SULT1C2: variants seen among roughly 807,000 people sequenced by gnomAD.
The protein encoded by SULT1C2 is sulfotransferase 1C2.
In SULT1C2, 27 loss-of-function variants were observed where a neutral mutation model predicts 36.0. The observed-to-expected ratio is 0.75, with a 90% CI of 0.55 to 1.03. The LOEUF is 1.03. Ranked by LOEUF, SULT1C2 falls within the 50% of genes least tolerant of loss-of-function variation. The pLI, the probability that SULT1C2 is intolerant of heterozygous loss-of-function variation, is 0.00. For missense variants in SULT1C2, 395 were observed against 359.2 expected, an observed-to-expected ratio of 1.10 and a Z score of -0.80; for synonymous variants, 121 against 116.0, an observed-to-expected ratio of 1.04 and a Z score of -0.27.
In SULT1C2 at chr2:108,304,624, T is replaced by C. The variant is rs532793119; in HGVS notation, c.426T>C (p.His142=). The C allele has an allele frequency of 9.3e-6, 15 of 1,613,772 alleles. No homozygotes were observed. The South Asian group carries it at 1.6e-4, about 18-fold the overall frequency. ...NAKDCMVSYY[H]FQRMNHMLPD... ...AAGACTGTATGGTTTCCTACTACCATTTCCAAAGGATGAACCACATGCTTC... is the reference window on the plus strand; with the variant it reads ...AAGACTGTATGGTTTCCTACTACCACTTCCAAAGGATGAACCACATGCTTC... Residue 142 remains histidine, a synonymous_variant, in exon 5 of 8, where the codon CAT becomes CAC. Coordinates refer to ENST00000251481, the MANE Select transcript of SULT1C2 (RefSeq NM_001056.4).
intron 2 of SULT1C2, 21 bp from the exon 3 acceptor site, chr2:108,294,208 T>A: frequency 6.2e-7 from 1 of 1,612,808 alleles, no homozygotes; most frequent in Non-Finnish European, 8.5e-7. Context: ...CTGCTTCTCA[T>A]CCTTCCTTTC....
intron 4 of SULT1C2, 58 bp downstream of exon 4, chr2:108,300,993 C>T (rs893523316): frequency 1.2e-6 from 2 of 1,603,886 alleles, no homozygotes; most frequent in Non-Finnish European, 1.7e-6. Context: ...AAAGCGAGTC[C>T]TGCAGACCCC....
At chr2:108,294,407 GT>G in intron 3 of SULT1C2, 53 bp downstream of exon 3, 1 of 1,506,290 alleles carries the variant, frequency 6.6e-7, no homozygotes, top group South Asian at 1.2e-5. Flanking sequence ...TCTCTCTTCT[GT>G]TTTCCCCTGT....
intron 7 of SULT1C2, among the ~76,000 whole-genome samples, chr2:108,305,852 T>C (rs1275155335): frequency 3.9e-5 from 6 of 152,140 alleles, no homozygotes; most frequent in Non-Finnish European, 7.3e-5. Flanking sequence ...AGATTCACCA[T>C]GGACAATAAA....
chr2:108,306,455 T>C (rs557952528), intron 7 of SULT1C2, among the ~76,000 whole-genome samples: 2 of 152,214 alleles, frequency 1.3e-5, no homozygotes, highest in East Asian at 3.9e-4. Context: ...AAAAAATTAA[T>C]TAGCTGGGTG....
chr2:108,302,790 T>C (rs1288841859), intron 4 of SULT1C2: 1 of 152,142 alleles, frequency 6.6e-6, no homozygotes, highest in Admixed American at 6.5e-5. Context: ...AGTAAATAAA[T>C]GGAATTTCTA....
chr2:108,292,441 C>A (rs916410665), intron 1 of SULT1C2, among the ~76,000 whole-genome samples: 2 of 129,256 alleles, frequency 1.5e-5, no homozygotes, highest in African/African-American at 2.8e-5. Flanking sequence ...CACACACACA[C>A]AATGCAAAAC....
intron 3 of SULT1C2, among the ~76,000 whole-genome samples, chr2:108,296,691 T>C (rs1342595921): frequency 6.6e-6 from 1 of 152,188 alleles, no homozygotes; most frequent in Non-Finnish European, 1.5e-5. Context: ...GACCTCATGA[T>C]ATACCCGCCT....
intron 3 of SULT1C2, among the ~76,000 whole-genome samples, chr2:108,297,232 CA>C (rs1676754341): frequency 6.6e-6 from 1 of 152,108 alleles, no homozygotes; most frequent in African/African-American, 2.4e-5. Context: ...GATGATATAA[CA>C]ACAAGCATGG....
At position 108,308,579 on chromosome 2, in the gene SULT1C2, T is replaced by C; in HGVS notation, c.*115T>C. 1.3e-6 allele frequency: 1 copy of C among 794,370 alleles called. No individual in the cohort carries two copies. 49.2% of individuals were successfully genotyped at this position (794,370 alleles called of 1,614,324 possible). A position where few individuals can be genotyped will look rare whatever the true frequency, so the allele number is the denominator to read the frequency against. ...CATATTGTGAATGTATACAATGTAG[T>C]ACAAACAATCTCTGTGATGATTAAC... On this transcript the variant is annotated 3_prime_UTR_variant, in exon 8 of 8. Transcript: ENST00000251481.
intron 4 of SULT1C2, chr2:108,302,714 A>G (rs973769033): frequency 2.0e-5 from 3 of 152,256 alleles, no homozygotes; most frequent in Non-Finnish European, 4.4e-5. Flanking sequence ...TTGTGTGAAT[A>G]AATGAAAAAG....
chr2:108,292,298 C>G (rs1676611675), intron 1 of SULT1C2, among the ~76,000 whole-genome samples: 1 of 151,952 alleles, frequency 6.6e-6, no homozygotes, highest in Non-Finnish European at 1.5e-5. Flanking sequence ...TCTTCTGGAA[C>G]CCCAGTAGCC....
In SULT1C2 at chr2:108,308,416, T is replaced by C. The variant is rs768809892; in HGVS notation, c.843T>C (p.Tyr281=). The part of the protein sequence containing the change: ...VAQNERFDEI[Y]RRKMEGTSIN... ...AGAATGAGAGGTTTGATGAAATCTA[T>C]AGAAGAAAGATGGAAGGAACCTCCA... Residue 281 remains tyrosine (Y), a synonymous_variant, in exon 8 of 8, where the codon TAT becomes TAC. Coordinates refer to ENST00000251481, the MANE Select transcript of SULT1C2 (RefSeq NM_001056.4). 5.0e-6 allele frequency: 8 copies of C among 1,613,042 alleles called. No homozygotes were observed. Among genetic ancestry groups the C allele is most frequent in the Admixed American group, 1.7e-5 (1 of 59,706 alleles).
At chr2:108,298,381 C>A (rs1017595933) in intron 3 of SULT1C2, among the ~76,000 whole-genome samples, 3 of 152,014 alleles carry the variant, frequency 2.0e-5, no homozygotes, top group Non-Finnish European at 4.4e-5. Context: ...TATTCCTTTG[C>A]ACTTTTTTTT....
intron 3 of SULT1C2, among the ~76,000 whole-genome samples, chr2:108,295,722 C>T (rs1558677827): frequency 6.6e-6 from 1 of 152,208 alleles, no homozygotes; most frequent in South Asian, 2.1e-4. Context: ...ATACTATCTA[C>T]GTGTTAGCTA....
chr2:108,304,271 G>A (rs983615578), intron 4 of SULT1C2: 3 of 224,498 alleles, frequency 1.3e-5, no homozygotes, highest in Non-Finnish European at 8.7e-6. Context: ...CTATTCAAGT[G>A]GCAGGTCATA....
intron 3 of SULT1C2, among the ~76,000 whole-genome samples, chr2:108,298,345 T>C (rs1676789026): frequency 6.6e-6 from 1 of 152,222 alleles, no homozygotes; most frequent in Non-Finnish European, 1.5e-5. Context: ...TCTTGTTTCC[T>C]TGCTCATGTT....
At chr2:108,297,049 C>G (rs759551382) in intron 3 of SULT1C2, among the ~76,000 whole-genome samples, 5 of 152,144 alleles carry the variant, frequency 3.3e-5, no homozygotes, top group African/African-American at 9.7e-5. Flanking sequence ...TTGAAAAGAC[C>G]TGTGTGCATG....
At chr2:108,300,234 G>A (rs1311601688) in intron 3 of SULT1C2, 1 of 152,256 alleles carries the variant, frequency 6.6e-6, no homozygotes, top group South Asian at 2.1e-4. Flanking sequence ...AAAATTAGAT[G>A]GGCGTGGTGG....
Sources: gnomAD v4.1 joint callset for allele counts (sites outside exome capture counted in the v4.1 genomes callset) on GRCh38, gnomAD v4.1.1 for gene constraint, MANE v1.5 for transcripts, NCBI Gene and HGNC (gene_info 2026-07-23, HGNC 2026-07-21) for gene names.